FANK1: variants seen among roughly 807,000 people sequenced by gnomAD.
FANK1 encodes fibronectin type 3 and ankyrin repeat domains protein 1.
FANK1 carries 44 observed loss-of-function variants against 45.3 expected under a neutral mutation model. That is an observed-to-expected ratio of 0.97 (90% CI 0.76 to 1.25). The LOEUF is 1.25. FANK1 is among the 50% of genes most tolerant of loss of function. The probability of loss-of-function intolerance (pLI) is 0.00; values close to 1 mark genes in which losing one functional copy is unlikely to be tolerated. For synonymous variants in FANK1, 149 were observed against 152.5 expected (o/e 0.98, Z 0.17); for missense variants, 391 against 424.4 (o/e 0.92, Z 0.69).
chr10:125,934,732 T>A (rs901265677), intron 1 of FANK1, among the ~76,000 whole-genome samples: 3 of 39,338 alleles, frequency 7.6e-5, no homozygotes, highest in African/African-American at 1.2e-4. Flanking sequence ...CCGTTTTTTT[T>A]TTTTTTTTTT....
intron 1 of FANK1, among the ~76,000 whole-genome samples, chr10:125,908,859 ATATATG>A (rs1263313418): frequency 1.3e-5 from 2 of 152,300 alleles, no homozygotes; most frequent in African/African-American, 4.8e-5. Flanking sequence ...ATACTAGACA[ATATATG>A]TATATTTCCT....
rs189501077 is a variant in FANK1 at position 125,973,423 on chromosome 10, C to G, written c.14-6738C>G. 7.0e-4 allele frequency: 694 copies of G among 985,218 alleles called. 1 individual carries two copies. The highest frequency in any genetic ancestry group is 1.7e-3 in the Admixed American group (27 of 16,274). 61.0% of individuals were successfully genotyped at this position (985,218 alleles called of 1,614,324 possible). On this transcript the variant is annotated intron_variant, in intron 1 of 10. Transcript: ENST00000368693. ...CAACACTGATGTCGTGATACAAGGACGTGAAGATGTGAGTCATTGTGACAT... is the reference window on the plus strand; with the variant it reads ...CAACACTGATGTCGTGATACAAGGAGGTGAAGATGTGAGTCATTGTGACAT...
At chr10:125,971,644 C>T (rs1030006666) in intron 1 of FANK1, among the ~76,000 whole-genome samples, 16 of 152,172 alleles carry the variant, frequency 1.1e-4, no homozygotes, top group South Asian at 4.1e-4. Flanking sequence ...TTTTCTGAGA[C>T]GGAGTCTCGC....
intron 1 of FANK1, among the ~76,000 whole-genome samples, chr10:125,939,438 T>C (rs1948307269): frequency 6.6e-6 from 1 of 152,220 alleles, no homozygotes; most frequent in South Asian, 2.1e-4. Context: ...ATTATGATAT[T>C]TGTAACTTAA....
At chr10:125,963,849 A>G (rs1950061840) in intron 1 of FANK1, among the ~76,000 whole-genome samples, 1 of 152,180 alleles carries the variant, frequency 6.6e-6, no homozygotes, top group South Asian at 2.1e-4. Flanking sequence ...ATATGTAACA[A>G]ACCTGCACGT....
At chr10:125,965,448 A>AC (rs1950157352) in intron 1 of FANK1, among the ~76,000 whole-genome samples, 1 of 152,180 alleles carries the variant, frequency 6.6e-6, no homozygotes, top group Non-Finnish European at 1.5e-5. Flanking sequence ...TTCTTATCTG[A>AC]TTGTGAAAGA....
intron 1 of FANK1, among the ~76,000 whole-genome samples, chr10:125,921,130 G>A (rs1315178413): frequency 1.3e-5 from 2 of 152,082 alleles, no homozygotes; most frequent in Non-Finnish European, 2.9e-5. Context: ...TTTCCAATCC[G>A]TGAACTTATC....
chr10:125,934,727 T>G (rs1947970161), intron 1 of FANK1, among the ~76,000 whole-genome samples: 2 of 6,746 alleles, frequency 3.0e-4, no homozygotes, highest in South Asian at 4.9e-3. Context: ...CCCTACCGTT[T>G]TTTTTTTTTT....
intron 1 of FANK1, among the ~76,000 whole-genome samples, chr10:125,948,443 C>G (rs1043669042): frequency 1.3e-5 from 2 of 152,108 alleles, no homozygotes; most frequent in Non-Finnish European, 2.9e-5. Context: ...CACCACCGAT[C>G]CCACAGAAAT....
intron 1 of FANK1, among the ~76,000 whole-genome samples, chr10:125,953,976 G>A (rs114231687): frequency 0.012 from 1,795 of 150,836 alleles, 24 homozygotes; most frequent in African/African-American, 0.041. Context: ...TTCTGCAGAA[G>A]GGTGCTGCTC....
chr10:125,936,099 A>G (rs535140905), intron 1 of FANK1, among the ~76,000 whole-genome samples: 1 of 152,302 alleles, frequency 6.6e-6, no homozygotes, highest in Non-Finnish European at 1.5e-5. Context: ...ACATTTTTAT[A>G]TTAGGACAAA....
intron 1 of FANK1, among the ~76,000 whole-genome samples, chr10:125,936,628 C>T (rs1158074811): frequency 6.6e-6 from 1 of 152,042 alleles, no homozygotes; most frequent in Non-Finnish European, 1.5e-5. Flanking sequence ...CTTATTTTCC[C>T]CAACATTATG....
chr10:125,981,132 C>T (rs1028343310), intron 2 of FANK1, among the ~76,000 whole-genome samples: 12 of 152,186 alleles, frequency 7.9e-5, no homozygotes, highest in African/African-American at 2.2e-4. Context: ...ACGCTCTAGC[C>T]GGTTCCTTGA....
intron 6 of FANK1, 55 bp downstream of exon 6, chr10:125,997,540 A>G: frequency 5.8e-6 from 9 of 1,547,188 alleles, no homozygotes; most frequent in Non-Finnish European, 7.1e-6. Flanking sequence ...TTGTGTTGCT[A>G]GGCTTGTGCC....
intron 6 of FANK1, among the ~76,000 whole-genome samples, chr10:125,997,869 A>G (rs961314434): frequency 6.6e-6 from 1 of 152,240 alleles, no homozygotes; most frequent in Admixed American, 6.5e-5. Context: ...TTTCAGCCTC[A>G]TTCATTGCTA....
intron 1 of FANK1, among the ~76,000 whole-genome samples, chr10:125,911,669 T>A (rs556401501): frequency 6.6e-6 from 1 of 152,358 alleles, no homozygotes; most frequent in East Asian, 1.9e-4. Context: ...TGAATACCTC[T>A]TTCGCACAGC....
intron 1 of FANK1, chr10:125,960,338 C>A: frequency 4.4e-6 from 1 of 229,562 alleles, no homozygotes. Flanking sequence ...TGATCCTCTC[C>A]ACGCCGACCT....
chr10:125,973,568 C>A, intron 1 of FANK1: 1 of 595,992 alleles, frequency 1.7e-6, no homozygotes, highest in Non-Finnish European at 2.1e-6. Context: ...ATTGGTTTCT[C>A]TAAGAAAACC....
chr10:125,901,992 G>A (rs112988069), intron 1 of FANK1, among the ~76,000 whole-genome samples: 1 of 152,120 alleles, frequency 6.6e-6, no homozygotes. Context: ...GGTGTTGCAC[G>A]CCTGTAATCC....
Sources: allele counts gnomAD v4.1 joint callset (sites outside exome capture counted in the v4.1 genomes callset), GRCh38; gene constraint gnomAD v4.1.1; transcripts MANE v1.5; gene names NCBI Gene and HGNC (gene_info 2026-07-23, HGNC 2026-07-21).